The following PTPRT variants were observed in gnomAD, a reference collection of about 807,000 sequenced individuals.
The protein encoded by PTPRT is receptor-type tyrosine-protein phosphatase T.
PTPRT carries 56 observed loss-of-function variants against 176.8 expected under a neutral mutation model. That is an observed-to-expected ratio of 0.32 (90% CI 0.26 to 0.40). PTPRT has a LOEUF of 0.40. Among genes scored for constraint, PTPRT ranks in the 10% least tolerant of loss-of-function variants. The pLI, the probability that PTPRT is intolerant of heterozygous loss-of-function variation, is 1.00. For synonymous variants in PTPRT, 783 were observed against 739.0 expected (o/e 1.06, Z -0.96); for missense variants, 1,540 against 1,908.2 (o/e 0.81, Z 3.60).
At chr20:42,136,342 A>C (rs75114378) in intron 18 of PTPRT, among the ~76,000 whole-genome samples, 1,567 of 148,504 alleles carry the variant, frequency 0.011, 27 homozygotes, top group African/African-American at 0.036. Context: ...TAATGCCATC[A>C]TCTTGCAAAA....
chr20:42,660,748 T>C (rs964354303), intron 7 of PTPRT, among the ~76,000 whole-genome samples: 2 of 152,174 alleles, frequency 1.3e-5, no homozygotes, highest in East Asian at 1.9e-4. Context: ...CTGGGGAGTA[T>C]ATAGTCTAAT....
At chr20:42,484,458 T>G (rs1041883270) in intron 7 of PTPRT, among the ~76,000 whole-genome samples, 2 of 152,224 alleles carry the variant, frequency 1.3e-5, no homozygotes, top group African/African-American at 4.8e-5. Context: ...ACTGCCACTT[T>G]CGTTGCCTGT....
intron 7 of PTPRT, among the ~76,000 whole-genome samples, chr20:42,553,704 C>T (rs1255390860): frequency 1.3e-5 from 2 of 152,056 alleles, no homozygotes; most frequent in African/African-American, 2.4e-5. Context: ...CTCAGTTTTC[C>T]TCTGTAACCC....
intron 1 of PTPRT, among the ~76,000 whole-genome samples, chr20:42,967,601 GTTGTT>G (rs1982374258): frequency 6.6e-6 from 1 of 152,136 alleles, no homozygotes; most frequent in Non-Finnish European, 1.5e-5. Flanking sequence ...ACAAATTTGT[GTTGTT>G]TTAAGCCACC....
intron 6 of PTPRT, among the ~76,000 whole-genome samples, chr20:42,681,905 CA>C (rs1420135125): frequency 6.6e-6 from 1 of 152,020 alleles, no homozygotes; most frequent in Non-Finnish European, 1.5e-5. Flanking sequence ...GAGTAAATCT[CA>C]AAAAAATTCA....
chr20:42,384,334 G>A (rs2058722859), intron 9 of PTPRT, among the ~76,000 whole-genome samples: 1 of 152,224 alleles, frequency 6.6e-6, no homozygotes, highest in African/African-American at 2.4e-5. Context: ...TCAAAGCAAA[G>A]AAGTGACGGC....
rs1299203598 is a variant in PTPRT at position 42,811,447 on chromosome 20, C to A, written c.215-19981G>T. On this transcript the variant is annotated intron_variant, in intron 2 of 30. Coordinates refer to ENST00000373187, the MANE Select transcript of PTPRT (RefSeq NM_007050.6). ...GTAGCAGAAGAAAAAGAAATTAAAA[C>A]AAAATTGAAAGAAAACTAGCCTTTC... Among the ~76,000 whole-genome samples the A allele has an allele frequency of 5.3e-5, 8 of 151,872 alleles. No individual in the cohort carries two copies. In the East Asian group the frequency reaches 7.7e-4, roughly 15 times the overall value.
At chr20:42,061,232 C>A in the PTPRT span, among the ~76,000 whole-genome samples, 14 of 152,032 alleles carry the variant, frequency 9.2e-5, no homozygotes, top group Non-Finnish European at 1.3e-4. Flanking sequence ...ATCCACATGT[C>A]CTTCATCTTG....
intron 6 of PTPRT, among the ~76,000 whole-genome samples, chr20:42,719,927 C>T (rs530944398): frequency 2.6e-5 from 4 of 152,322 alleles, no homozygotes; most frequent in African/African-American, 7.2e-5. Context: ...GATGAAGCAA[C>T]GAAAGGGGTC....
intron 7 of PTPRT, among the ~76,000 whole-genome samples, chr20:42,668,527 T>A (rs1286493400): frequency 6.6e-6 from 1 of 152,010 alleles, no homozygotes; most frequent in Non-Finnish European, 1.5e-5. Context: ...GAATTATAGG[T>A]TTAAAGAGAG....
intron 6 of PTPRT, among the ~76,000 whole-genome samples, chr20:42,739,950 C>T (rs1031053733): frequency 6.6e-6 from 1 of 152,180 alleles, no homozygotes; most frequent in Non-Finnish European, 1.5e-5. Context: ...CACTTTGCAT[C>T]CTCCTGGAGG....
Position 42,554,685 on chromosome 20 carries a change from A to G in PTPRT, c.1154-82123T>C, listed in dbSNP as rs59018358. The stretch of plus-strand genomic sequence containing the variant: ...AGTGCAGGCCCATAAACCCGAGGCA[A>G]TGATGGAAATCATTAAGCATCATTG... On this transcript the variant is annotated intron_variant, in intron 7 of 30. Transcript: ENST00000373187. Among the ~76,000 whole-genome samples the G allele has an allele frequency of 2.2e-3, 339 of 152,326 alleles. 2 individuals are homozygous for G. The highest frequency in any genetic ancestry group is 0.016 in the Admixed American group (238 of 15,286).
intron 7 of PTPRT, among the ~76,000 whole-genome samples, chr20:42,473,438 C>A (rs552224956): frequency 6.6e-6 from 1 of 152,064 alleles, no homozygotes; most frequent in Non-Finnish European, 1.5e-5. Flanking sequence ...ATGTAAAGCT[C>A]ATTTTATGTT....
chr20:42,384,517 AT>A (rs1331573562), intron 9 of PTPRT, among the ~76,000 whole-genome samples: 1 of 152,146 alleles, frequency 6.6e-6, no homozygotes, highest in Non-Finnish European at 1.5e-5. Context: ...ACCAGTGGGC[AT>A]TTAGGTGGCT....
intron 2 of PTPRT, among the ~76,000 whole-genome samples, chr20:42,851,475 A>G (rs1568634951): frequency 6.6e-6 from 1 of 152,186 alleles, no homozygotes; most frequent in Admixed American, 6.5e-5. Flanking sequence ...ATCTATAATT[A>G]TAATACCTCC....
At chr20:42,599,683 TA>T (rs2073741048) in intron 7 of PTPRT, among the ~76,000 whole-genome samples, 1 of 152,118 alleles carries the variant, frequency 6.6e-6, no homozygotes, top group South Asian at 2.1e-4. Context: ...GAAAACTCTT[TA>T]CACAGAACTG....
At chr20:42,725,692 A>G (rs2076368554) in intron 6 of PTPRT, among the ~76,000 whole-genome samples, 1 of 152,066 alleles carries the variant, frequency 6.6e-6, no homozygotes, top group Non-Finnish European at 1.5e-5. Context: ...GTTGCGCAGA[A>G]ATAGAAACAC....
rs1454952570 is a variant in PTPRT at position 42,495,545 on chromosome 20, A to G, written c.1154-22983T>C. ...AGCAATAATTCTCTGGCAACTGTCA[A>G]AAGGCACACAGACCATCCACAAGTG... On this transcript the variant is annotated intron_variant, in intron 7 of 30. Transcript: ENST00000373187. Among the ~76,000 whole-genome samples the G allele has an allele frequency of 3.9e-5, 6 of 152,334 alleles. No individual in the cohort carries two copies. The East Asian group carries it at 7.7e-4, about 20-fold the overall frequency.
chr20:42,805,035 C>A (rs2077585268), intron 2 of PTPRT, among the ~76,000 whole-genome samples: 1 of 152,152 alleles, frequency 6.6e-6, no homozygotes, highest in South Asian at 2.1e-4. Flanking sequence ...TAGAGCCCTA[C>A]TGTGTTCATC....
Sources: gnomAD v4.1 joint callset for allele counts (sites outside exome capture counted in the v4.1 genomes callset) on GRCh38, gnomAD v4.1.1 for gene constraint, MANE v1.5 for transcripts, NCBI Gene and HGNC (gene_info 2026-07-23, HGNC 2026-07-21) for gene names.